LRRC4C: variants seen among roughly 807,000 people sequenced by gnomAD.
LRRC4C encodes leucine rich repeat containing 4C.
In LRRC4C, 5 loss-of-function variants were observed where a neutral mutation model predicts 33.6. The observed-to-expected ratio is 0.15, with a 90% CI of 0.08 to 0.31. LRRC4C has a LOEUF of 0.31. Among genes scored for constraint, LRRC4C ranks in the 10% least tolerant of loss-of-function variants. LRRC4C has a pLI of 1.00. For synonymous variants in LRRC4C, 329 were observed against 302.0 expected (o/e 1.09, Z -0.93); for missense variants, 560 against 796.7 (o/e 0.70, Z 3.58).
intron 1 of LRRC4C, among the ~76,000 whole-genome samples, chr11:41,245,250 G>C (rs185078231): frequency 6.6e-6 from 1 of 152,134 alleles, no homozygotes; most frequent in South Asian, 2.1e-4. Context: ...AGTTTTGCTC[G>C]GCCTGCTGGG....
intron 2 of LRRC4C, among the ~76,000 whole-genome samples, chr11:40,795,086 T>C (rs1950772361): frequency 6.6e-6 from 1 of 152,184 alleles, no homozygotes; most frequent in African/African-American, 2.4e-5. Flanking sequence ...TCTCCTTTCA[T>C]TGGTAACAGT....
intron 1 of LRRC4C, among the ~76,000 whole-genome samples, chr11:41,360,856 C>T (rs1031626165): frequency 2.6e-5 from 4 of 152,090 alleles, no homozygotes; most frequent in Non-Finnish European, 5.9e-5. Flanking sequence ...TTCTACTCCA[C>T]TTGTTCAAAT....
chr11:40,378,034 A>G (rs889142985), intron 3 of LRRC4C, among the ~76,000 whole-genome samples: 4 of 152,094 alleles, frequency 2.6e-5, no homozygotes, highest in African/African-American at 9.7e-5. Flanking sequence ...ACTTCTTATG[A>G]CATATAATAA....
chr11:41,095,914 A>T (rs1940778323), intron 1 of LRRC4C, among the ~76,000 whole-genome samples: 1 of 152,170 alleles, frequency 6.6e-6, no homozygotes. Context: ...AAACCCAAAC[A>T]CACATATGTT....
At chr11:40,694,032 A>G (rs1945361239) in intron 2 of LRRC4C, among the ~76,000 whole-genome samples, 1 of 152,076 alleles carries the variant, frequency 6.6e-6, no homozygotes, top group Non-Finnish European at 1.5e-5. Flanking sequence ...AAACAATTGC[A>G]TTTGCTACCT....
chr11:41,156,128 G>T (rs1269392181), intron 1 of LRRC4C, among the ~76,000 whole-genome samples: 2 of 152,074 alleles, frequency 1.3e-5, no homozygotes, highest in African/African-American at 4.8e-5. Context: ...AAACAGACTT[G>T]TTAGAAAAGA....
chr11:40,561,178 A>G (rs1957532398), intron 3 of LRRC4C, among the ~76,000 whole-genome samples: 1 of 152,124 alleles, frequency 6.6e-6, no homozygotes, highest in Non-Finnish European at 1.5e-5. Flanking sequence ...ACAGATGCAT[A>G]AAGGGGGAAG....
At chr11:41,357,823 T>C (rs1222696580) in intron 1 of LRRC4C, among the ~76,000 whole-genome samples, 7 of 152,162 alleles carry the variant, frequency 4.6e-5, no homozygotes, top group African/African-American at 1.7e-4. Flanking sequence ...AGTATCAAGA[T>C]GTTAGCTCTT....
intron 3 of LRRC4C, among the ~76,000 whole-genome samples, chr11:40,561,842 C>A (rs376485798): frequency 1.3e-5 from 2 of 152,064 alleles, no homozygotes; most frequent in Non-Finnish European, 2.9e-5. Context: ...TGTTTGGTGG[C>A]CATTAGTTGG....
chr11:40,356,759 A>G (rs1947689770), intron 3 of LRRC4C, among the ~76,000 whole-genome samples: 1 of 152,208 alleles, frequency 6.6e-6, no homozygotes, highest in African/African-American at 2.4e-5. Flanking sequence ...ATTACATTAT[A>G]TCATGAAGAA....
intron 1 of LRRC4C, among the ~76,000 whole-genome samples, chr11:41,149,232 G>A (rs1373711170): frequency 1.3e-5 from 2 of 152,148 alleles, no homozygotes; most frequent in Admixed American, 6.5e-5. Flanking sequence ...GAGGCCGGGT[G>A]CGGTGGCTCA....
At chr11:40,496,206 T>G (rs1267848753) in intron 3 of LRRC4C, among the ~76,000 whole-genome samples, 1 of 152,154 alleles carries the variant, frequency 6.6e-6, no homozygotes, top group African/African-American at 2.4e-5. Flanking sequence ...TTTACCTCCC[T>G]GATCTACATG....
intron 3 of LRRC4C, among the ~76,000 whole-genome samples, chr11:40,453,280 A>G (rs16934859): frequency 0.016 from 2,483 of 152,326 alleles, 80 homozygotes; most frequent in African/African-American, 0.056. Flanking sequence ...TAAATGTAAA[A>G]TGAGAATGTT....
At chr11:41,357,970 A>T (rs1262575189) in intron 1 of LRRC4C, among the ~76,000 whole-genome samples, 2 of 152,126 alleles carry the variant, frequency 1.3e-5, no homozygotes, top group African/African-American at 2.4e-5. Context: ...AGAAGAAAAA[A>T]GTTAGAGGAC....
intron 3 of LRRC4C, among the ~76,000 whole-genome samples, chr11:40,521,863 G>C (rs140296765): frequency 6.6e-6 from 1 of 151,456 alleles, no homozygotes; most frequent in Non-Finnish European, 1.5e-5. Context: ...GCGAGACACC[G>C]TCTCAAAAAA....
At chr11:41,122,114 T>TA (rs1171178559) in intron 1 of LRRC4C, among the ~76,000 whole-genome samples, 6 of 151,922 alleles carry the variant, frequency 3.9e-5, no homozygotes, top group Non-Finnish European at 5.9e-5. Context: ...AAAATATATA[T>TA]AAAAAAACCT....
At chr11:41,273,152 G>A (rs1949372175) in intron 1 of LRRC4C, among the ~76,000 whole-genome samples, 3 of 152,150 alleles carry the variant, frequency 2.0e-5, no homozygotes, top group South Asian at 2.1e-4. Flanking sequence ...ACAAATGTTA[G>A]TGAGGATGTG....
Position 40,404,727 on chromosome 11 carries a change from T to C in LRRC4C, c.-269-85006A>G, listed in dbSNP as rs144686565. Among the ~76,000 whole-genome samples the C allele has an allele frequency of 5.3e-3, 808 of 152,182 alleles. 2 individuals carry two copies. Among genetic ancestry groups the C allele is most frequent in the Non-Finnish European group, 7.8e-3 (532 of 68,002 alleles). On this transcript the variant is annotated intron_variant, in intron 3 of 6. Transcript: ENST00000528697. ...TTTATATCTGACAATAATATTCCCA[T>C]GTTAAAAATGTAGAGCAGCCTCCCA...
chr11:40,778,293 G>A (rs1405776853), intron 2 of LRRC4C, among the ~76,000 whole-genome samples: 1 of 152,142 alleles, frequency 6.6e-6, no homozygotes, highest in Non-Finnish European at 1.5e-5. Flanking sequence ...CTATTGGACA[G>A]TTAAATTGCA....
Sources: gnomAD v4.1 joint callset for allele counts (sites outside exome capture counted in the v4.1 genomes callset) on GRCh38, gnomAD v4.1.1 for gene constraint, MANE v1.5 for transcripts, NCBI Gene and HGNC (gene_info 2026-07-23, HGNC 2026-07-21) for gene names.